The following HOXC13 variants were observed in gnomAD, a reference collection of about 807,000 sequenced individuals.
HOXC13 encodes homeobox protein Hox-C13.
Under a neutral mutation model 25.9 loss-of-function variants are expected in HOXC13, and 10 were observed. The ratio of observed to expected loss-of-function variants is 0.39; its 90% CI spans 0.24 to 0.65. HOXC13 has a LOEUF of 0.65. Among genes scored for constraint, HOXC13 ranks in the 30% least tolerant of loss-of-function variants. The pLI, the probability that HOXC13 is intolerant of heterozygous loss-of-function variation, is 0.50. For synonymous variants in HOXC13, 233 were observed against 217.1 expected (o/e 1.07, Z -0.64); for missense variants, 439 against 478.3 (o/e 0.92, Z 0.77).
intron 1 of HOXC13, among the ~76,000 whole-genome samples, chr12:53,942,703 G>A (rs1160302338): frequency 6.6e-6 from 1 of 152,144 alleles, no homozygotes; most frequent in Non-Finnish European, 1.5e-5. Flanking sequence ...TTCCAGATAA[G>A]GCAGCAGACA....
chr12:53,944,919 C>G (rs1223810210), intron 1 of HOXC13, 81 bp from the exon 2 acceptor site: 8 of 1,580,106 alleles, frequency 5.1e-6, no homozygotes, highest in Non-Finnish European at 5.2e-6. Flanking sequence ...TGCCAGAACT[C>G]TGTGCCTAGG....
chr12:53,942,248 G>A (rs1295520893), intron 1 of HOXC13, among the ~76,000 whole-genome samples: 2 of 145,058 alleles, frequency 1.4e-5, no homozygotes, highest in Non-Finnish European at 3.0e-5. Context: ...GAAAAAGAGA[G>A]ATGGGGTTTA....
rs1399816829 is a variant in HOXC13 at position 53,939,983 on chromosome 12, TG to T, written c.736+346del. ...CCCTAAACCTGCTTCCGGCAAGGGA[TG>T]GGGGCGGGGTGGGCCTATAGTGCCT... On this transcript the variant is annotated intron_variant, in intron 1 of 1. Coordinates refer to ENST00000243056, the MANE Select transcript of HOXC13 (RefSeq NM_017410.3). The surrounding 1 kb of genome is among the most constrained non-coding windows in gnomAD (Gnocchi z 6.7). Among the ~76,000 whole-genome samples, 1 of 152,132 alleles carries T rather than the reference TG, an allele frequency of 6.6e-6. No individual in the cohort carries two copies. Among genetic ancestry groups the T allele is most frequent in the Non-Finnish European group, 1.5e-5 (1 of 67,984 alleles).
chr12:53,938,975 G>T lies in HOXC13; in HGVS notation c.69G>T (p.Ala23=). The T allele has an allele frequency of 6.6e-7, 1 of 1,519,684 alleles. No individual in the cohort carries two copies. The allele number at this position is 1,519,684 out of a possible 1,614,324, so 94.1% of individuals were successfully genotyped here. A position where few individuals can be genotyped will look rare whatever the true frequency, so the allele number is the denominator to read the frequency against. The change falls in exon 1 of 2, where the codon GCG becomes GCT. Residue 23 remains alanine (A), a synonymous_variant. Transcript: ENST00000243056. ...ESLMYVYEDS[A]AESGIGGGGG... is the part of the protein sequence containing the mutation. Reference sequence around the variant, plus strand: ...TTATGTACGTCTATGAGGACAGCGCGGCGGAGAGCGGCATCGGCGGCGGCG... The same window carrying T: ...TTATGTACGTCTATGAGGACAGCGCTGCGGAGAGCGGCATCGGCGGCGGCG...
At position 53,939,367 on chromosome 12, in the gene HOXC13, CGGA is replaced by C; in HGVS notation, c.463_465del (p.Glu155del). 6.2e-7 allele frequency: 1 copy of C among 1,606,414 alleles called. No homozygotes were observed. Among genetic ancestry groups the C allele is most frequent in the Non-Finnish European group, 8.5e-7 (1 of 1,177,824 alleles). The stretch of plus-strand genomic sequence containing the variant: ...GCCTACCACCCGGGCGATAAATACC[CGGA>C]GCCGTCGGGCGCCCTGCCCGGTGAC... On this transcript the variant is annotated inframe_deletion, in exon 1 of 2. Coordinates refer to ENST00000243056, the MANE Select transcript of HOXC13 (RefSeq NM_017410.3). The surrounding 1 kb of genome is among the most constrained non-coding windows in gnomAD (Gnocchi z 6.7).
Position 53,938,853 on chromosome 12 carries a change from T to C in HOXC13, c.-54T>C. On this transcript the variant is annotated 5_prime_UTR_variant, in exon 1 of 2. Transcript: ENST00000243056. ...GGGAAACAGGAGCGAGGTGTCTCCC[T>C]AGCTCGCTGCCTCTGGCAAGTGGAG... The C allele has an allele frequency of 6.8e-7, 1 of 1,465,250 alleles. No individual in the cohort carries two copies. Among genetic ancestry groups the C allele is most frequent in the Non-Finnish European group, 9.1e-7 (1 of 1,103,256 alleles). The allele number at this position is 1,465,250 out of a possible 1,614,324, so 90.8% of individuals were successfully genotyped here.
chr12:53,939,458 G>A lies in HOXC13; in HGVS notation c.552G>A (p.Ala184=). 1 of 1,608,264 alleles carries A rather than the reference G, an allele frequency of 6.2e-7. No homozygotes were observed. The highest frequency in any genetic ancestry group is 8.5e-7 in the Non-Finnish European group (1 of 1,179,088). The change falls in exon 1 of 2, where the codon GCG becomes GCA. Residue 184 remains alanine, a synonymous_variant. Coordinates refer to ENST00000243056, the MANE Select transcript of HOXC13 (RefSeq NM_017410.3). This position sits in a 1 kb window ranked among gnomAD's most constrained non-coding sequence, Gnocchi z 6.7. ...CCAGCTTCGCCAGCTCCTACCAGGCGATGCCCGGCTACCTGGACGTGTCGG... is the reference window on the plus strand; with the variant it reads ...CCAGCTTCGCCAGCTCCTACCAGGCAATGCCCGGCTACCTGGACGTGTCGG... ...FYPSFASSYQ[A]MPGYLDVSVV...
chr12:53,944,926 T>G, intron 1 of HOXC13, 74 bp from the exon 2 acceptor site: 1 of 1,592,222 alleles, frequency 6.3e-7, no homozygotes, highest in Non-Finnish European at 8.6e-7. Flanking sequence ...ACTCTGTGCC[T>G]AGGCAGCCTC....
At position 53,939,358 on chromosome 12, in the gene HOXC13, A is replaced by T. The variant is rs1938571111; in HGVS notation, c.452A>T (p.Asp151Val). 6.2e-7 allele frequency: 1 copy of T among 1,606,148 alleles called. No individual in the cohort carries two copies. Among genetic ancestry groups the T allele is most frequent in the East Asian group, 2.2e-5 (1 of 44,598 alleles). ...QQKPCAYHPG[D>V]KYPEPSGALP... ...AAGCCTTGCGCCTACCACCCGGGCGATAAATACCCGGAGCCGTCGGGCGCC... is the reference window on the plus strand; with the variant it reads ...AAGCCTTGCGCCTACCACCCGGGCGTTAAATACCCGGAGCCGTCGGGCGCC... The change falls in exon 1 of 2, where the codon GAT becomes GTT. Residue 151 changes from aspartate (D) to valine (V), a missense_variant. Transcript: ENST00000243056. The surrounding 1 kb of genome is among the most constrained non-coding windows in gnomAD (Gnocchi z 6.7).
In HOXC13 at chr12:53,939,278, C is replaced by T; in HGVS notation, c.372C>T (p.Pro124=). 2.6e-6 allele frequency: 4 copies of T among 1,565,500 alleles called. No individual in the cohort carries two copies. Among genetic ancestry groups the T allele is most frequent in the Non-Finnish European group, 3.5e-6 (4 of 1,156,358 alleles). The change falls in exon 1 of 2, where the codon CCC becomes CCT. Residue 124 remains proline (P), a synonymous_variant. Transcript: ENST00000243056. The surrounding 1 kb of genome is among the most constrained non-coding windows in gnomAD (Gnocchi z 6.7). ...SSSATLGYGY[P]FGGSYYGCRL... ...GCGCCACCCTGGGCTACGGCTACCC[C>T]TTCGGGGGCAGCTACTACGGCTGCC...
chr12:53,943,936 C>T (rs961891593), intron 1 of HOXC13, among the ~76,000 whole-genome samples: 3 of 152,252 alleles, frequency 2.0e-5, no homozygotes, highest in Admixed American at 6.5e-5. Context: ...GAAAGTGTTG[C>T]GTGACCTTTA....
intron 1 of HOXC13, among the ~76,000 whole-genome samples, chr12:53,942,154 C>CTTTTTTTTTTTTTTTTTTT (rs56678098): frequency 5.1e-5 from 2 of 39,338 alleles, no homozygotes; most frequent in East Asian, 8.4e-4. Flanking sequence ...TGAGTGTAGA[C>CTTTTTTTTTTTTTTTTTTT]TTTTTTTTTT....
Position 53,939,239 on chromosome 12 carries a change from C to A in HOXC13, c.333C>A (p.Pro111=). Residue 111 remains proline, a synonymous_variant, in exon 1 of 2, where the codon CCC becomes CCA. Transcript: ENST00000243056. This position sits in a 1 kb window ranked among gnomAD's most constrained non-coding sequence, Gnocchi z 6.7. ...AARQCAPPPA[P]PTSSSATLGY... ...GCCAGTGTGCCCCGCCGCCCGCACC[C>A]CCCACCTCGTCCAGCGCCACCCTGG... 1.3e-6 allele frequency: 2 copies of A among 1,542,952 alleles called. No individual in the cohort carries two copies. The highest frequency in any genetic ancestry group is 1.2e-5 in the South Asian group (1 of 83,528).
chr12:53,945,266 C>A lies in HOXC13; in HGVS notation c.*10C>A, dbSNP rs756707434. ...TCTCCACTCCACCTGACCACCCACC[C>A]GCTGCTTGCCCCATCTATTTATGTC... On this transcript the variant is annotated 3_prime_UTR_variant, in exon 2 of 2. Coordinates refer to ENST00000243056, the MANE Select transcript of HOXC13 (RefSeq NM_017410.3). This position sits in a 1 kb window ranked among gnomAD's most constrained non-coding sequence, Gnocchi z 4.4. 2.5e-6 allele frequency: 4 copies of A among 1,613,452 alleles called. No individual in the cohort carries two copies. In the Admixed American group the frequency reaches 5.0e-5, roughly 20 times the overall value.
rs1265522899 is a variant in HOXC13, at chr12:53,946,141, A to G, written c.*885A>G. 1 of 230,594 alleles carries G rather than the reference A, an allele frequency of 4.3e-6. No individual in the cohort carries two copies. Among genetic ancestry groups the G allele is most frequent in the Admixed American group, 5.7e-5 (1 of 17,654 alleles). The allele number at this position is 230,594 out of a possible 1,614,324, so 14.3% of individuals were successfully genotyped here. On this transcript the variant is annotated 3_prime_UTR_variant, in exon 2 of 2. Transcript: ENST00000243056. ...AAACATCTCTTCCAAGGGGATGGAG[A>G]GTGGGTCCCTCAACAAAGTCCCTGT...
chr12:53,939,163 G>A lies in HOXC13; in HGVS notation c.257G>A (p.Gly86Asp). The A allele has an allele frequency of 6.7e-7, 1 of 1,484,090 alleles. No individual in the cohort carries two copies. The highest frequency in any genetic ancestry group is 2.5e-5 in the Admixed American group (1 of 40,670). The allele number at this position is 1,484,090 out of a possible 1,614,324, so 91.9% of individuals were successfully genotyped here. A position where few individuals can be genotyped will look rare whatever the true frequency, so the allele number is the denominator to read the frequency against. ...CTGGGCCGCCCGCCGGCTCCCCTGG[G>A]CGCCCCTCAGGGCGCCGTCTATACG... is the stretch of plus-strand genomic sequence containing the variant. ...PVLGRPPAPL[G>D]APQGAVYTDI... Residue 86 changes from glycine (G) to aspartate (D), a missense_variant, in exon 1 of 2, where the codon GGC becomes GAC. Physicochemically the swap from Gly to Asp is moderately conservative, Grantham distance 94. Transcript: ENST00000243056. The surrounding 1 kb of genome is among the most constrained non-coding windows in gnomAD (Gnocchi z 6.7).
chr12:53,941,473 T>C (rs1938610465), intron 1 of HOXC13, among the ~76,000 whole-genome samples: 1 of 152,240 alleles, frequency 6.6e-6, no homozygotes, highest in African/African-American at 2.4e-5. Context: ...AGCTGTTCTA[T>C]GTATGAATGT....
rs750736168 is a variant in HOXC13 at position 53,945,262 on chromosome 12, C to T, written c.*6C>T. On this transcript the variant is annotated 3_prime_UTR_variant, in exon 2 of 2. Coordinates refer to ENST00000243056, the MANE Select transcript of HOXC13 (RefSeq NM_017410.3). The surrounding 1 kb of genome is among the most constrained non-coding windows in gnomAD (Gnocchi z 4.4). Reference sequence around the variant, plus strand: ...CTCATCTCCACTCCACCTGACCACCCACCCGCTGCTTGCCCCATCTATTTA... The same window carrying T: ...CTCATCTCCACTCCACCTGACCACCTACCCGCTGCTTGCCCCATCTATTTA... The T allele has an allele frequency of 3.7e-6, 6 of 1,613,722 alleles. No homozygotes were observed. The highest frequency in any genetic ancestry group is 4.5e-5 in the East Asian group (2 of 44,874).
chr12:53,942,711 A>T (rs2136356967), intron 1 of HOXC13, among the ~76,000 whole-genome samples: 1 of 152,272 alleles, frequency 6.6e-6, no homozygotes, highest in African/African-American at 2.4e-5. Context: ...AAGGCAGCAG[A>T]CAAAGAAAGG....
Sources: allele counts gnomAD v4.1 joint callset (sites outside exome capture counted in the v4.1 genomes callset), GRCh38; gene constraint gnomAD v4.1.1; non-coding constraint Gnocchi (gnomAD v3.1); transcripts MANE v1.5; gene names NCBI Gene and HGNC (gene_info 2026-07-23, HGNC 2026-07-21).